The following MEIS2 variants were observed in gnomAD, a reference collection of about 807,000 sequenced individuals.
The protein encoded by MEIS2 is homeobox protein Meis2.
A neutral mutation model predicts 58.6 loss-of-function variants in MEIS2; 9 were observed. That is an observed-to-expected ratio of 0.15 (90% CI 0.09 to 0.27). MEIS2 has a LOEUF of 0.27. MEIS2 is among the 10% of genes least tolerant of loss of function. The probability of loss-of-function intolerance (pLI) is 1.00; values close to 1 mark genes in which losing one functional copy is unlikely to be tolerated. For missense variants in MEIS2, 427 were observed against 635.0 expected, an observed-to-expected ratio of 0.67 and a Z score of 3.52; for synonymous variants, 221 against 228.4, an observed-to-expected ratio of 0.97 and a Z score of 0.29.
rs187991024 is a variant in MEIS2 at position 36,978,703 on chromosome 15, C to A, written c.901-28303G>T. ...TACTTATTTGAATTTGTATCTTTTA[C>A]AAAAAAATCGGCTCATACTGCATAT... is the stretch of plus-strand genomic sequence containing the variant. On this transcript the variant is annotated intron_variant, in intron 8 of 11. Transcript: ENST00000561208. 3.1e-3 allele frequency among the ~76,000 whole-genome samples: 471 copies of A among 152,178 alleles called. 1 individual carries two copies. Among genetic ancestry groups the A allele is most frequent in the African/African-American group, 0.011 (453 of 41,546 alleles).
intron 9 of MEIS2, among the ~76,000 whole-genome samples, chr15:36,911,659 G>A (rs1031321317): frequency 6.6e-6 from 1 of 152,070 alleles, no homozygotes; most frequent in Non-Finnish European, 1.5e-5. Context: ...TCTGAACCTC[G>A]CTGTCCCGAG....
At chr15:37,050,101 A>T (rs1483505342) in intron 7 of MEIS2, among the ~76,000 whole-genome samples, 1 of 152,158 alleles carries the variant, frequency 6.6e-6, no homozygotes, top group East Asian at 1.9e-4. Context: ...CTCCACTCTC[A>T]ATTCTATTGC....
At chr15:37,097,060 C>G (rs1894350306) in intron 2 of MEIS2, among the ~76,000 whole-genome samples, 1 of 152,218 alleles carries the variant, frequency 6.6e-6, no homozygotes, top group Non-Finnish European at 1.5e-5. Flanking sequence ...TGGAGAGCTT[C>G]CTTCCAAAGA....
Position 36,931,986 on chromosome 15 carries a change from A to C in MEIS2, c.977+18338T>G, listed in dbSNP as rs554069550. On this transcript the variant is annotated intron_variant, in intron 9 of 11. Transcript: ENST00000561208. ...ACAAATCACTGAAAGGCAGTGCACA[A>C]AATCCCTATTAGCATGAAGCTCACC... Among the ~76,000 whole-genome samples the C allele has an allele frequency of 3.9e-5, 6 of 152,348 alleles. No homozygotes were observed. The East Asian group carries it at 1.2e-3, about 29-fold the overall frequency.
At chr15:36,905,565 C>T (rs758982073) in intron 9 of MEIS2, among the ~76,000 whole-genome samples, 8 of 151,894 alleles carry the variant, frequency 5.3e-5, no homozygotes, top group Non-Finnish European at 8.8e-5. Flanking sequence ...GGGAAGAGGG[C>T]GGAAGGTAAA....
chr15:37,055,852 G>A (rs1026868009), intron 7 of MEIS2, among the ~76,000 whole-genome samples: 6 of 152,116 alleles, frequency 3.9e-5, no homozygotes, highest in African/African-American at 1.4e-4. Flanking sequence ...TAGGTGCTGC[G>A]GAAGTCTTAA....
intron 1 of MEIS2, chr15:37,099,204 C>G (rs920599108): frequency 7.1e-7 from 1 of 1,415,190 alleles, no homozygotes; most frequent in African/African-American, 1.4e-5. Context: ...ACGCACTCGC[C>G]GCCCGCCCGC....
At chr15:37,068,687 T>C (rs144377614) in intron 7 of MEIS2, among the ~76,000 whole-genome samples, 1 of 152,322 alleles carries the variant, frequency 6.6e-6, no homozygotes, top group East Asian at 1.9e-4. Context: ...CCATAAAAAC[T>C]AAGCAAATGT....
At chr15:36,916,704 A>G (rs886240332) in intron 9 of MEIS2, among the ~76,000 whole-genome samples, 1 of 152,146 alleles carries the variant, frequency 6.6e-6, no homozygotes, top group Non-Finnish European at 1.5e-5. Context: ...AACTGTTGAG[A>G]TTATAGGTGT....
chr15:36,998,658 T>A (rs2060615056), intron 8 of MEIS2, among the ~76,000 whole-genome samples: 1 of 152,218 alleles, frequency 6.6e-6, no homozygotes, highest in African/African-American at 2.4e-5. Flanking sequence ...TTCTTTACAG[T>A]TTCATCTGGT....
intron 9 of MEIS2, 119 bp from the exon 10 acceptor site, chr15:36,896,805 A>T (rs2141225523): frequency 2.4e-6 from 2 of 844,766 alleles, no homozygotes; most frequent in East Asian, 5.0e-5. Context: ...TTATCTTTTC[A>T]ATTTAAAGGT....
rs1339077916 is a variant in MEIS2 at position 37,097,129 on chromosome 15, A to G, written c.246-699T>C. 3 of 152,208 alleles carry G rather than the reference A, an allele frequency of 2.0e-5. No individual in the cohort carries two copies. In the East Asian group the frequency reaches 5.8e-4, roughly 29 times the overall value. 9.4% of individuals were successfully genotyped at this position (152,208 alleles called of 1,614,324 possible). ...TAAATAAATCGTGTTTTAAAACTTTAAGTGTGCGTGCGCGTATGCCCTTTG... is the reference window on the plus strand; with the variant it reads ...TAAATAAATCGTGTTTTAAAACTTTGAGTGTGCGTGCGCGTATGCCCTTTG... On this transcript the variant is annotated intron_variant, in intron 2 of 11. Transcript: ENST00000561208.
At chr15:37,086,675 A>G (rs1204086159) in intron 6 of MEIS2, among the ~76,000 whole-genome samples, 1 of 152,204 alleles carries the variant, frequency 6.6e-6, no homozygotes, top group Non-Finnish European at 1.5e-5. Flanking sequence ...GAGACTGAAC[A>G]CCAACTAAGG....
At position 36,902,752 on chromosome 15, in the gene MEIS2, G is replaced by A. The variant is rs556008850; in HGVS notation, c.978-6066C>T. On this transcript the variant is annotated intron_variant, in intron 9 of 11. Coordinates refer to ENST00000561208, the MANE Select transcript of MEIS2 (RefSeq NM_170675.5). ...AAAATGCACATACTCTTCTCTTTAGGTATCTTAGATCTAAACAGCCTTTTA... is the reference window on the plus strand; with the variant it reads ...AAAATGCACATACTCTTCTCTTTAGATATCTTAGATCTAAACAGCCTTTTA... Among the ~76,000 whole-genome samples the A allele has an allele frequency of 8.5e-5, 13 of 152,166 alleles. No homozygotes were observed. The East Asian group carries it at 1.5e-3, about 18-fold the overall frequency.
intron 8 of MEIS2, among the ~76,000 whole-genome samples, chr15:36,993,911 T>A (rs974688713): frequency 1.3e-5 from 2 of 152,126 alleles, no homozygotes; most frequent in Admixed American, 1.3e-4. Context: ...ATGATAGTCT[T>A]GTTACCAGGA....
At chr15:36,923,947 T>C (rs750102599) in intron 9 of MEIS2, among the ~76,000 whole-genome samples, 4 of 152,306 alleles carry the variant, frequency 2.6e-5, no homozygotes, top group Non-Finnish European at 5.9e-5. Context: ...AACCTTTCTA[T>C]CCTCTTCAAT....
At chr15:36,961,332 A>G (rs1407956607) in intron 8 of MEIS2, among the ~76,000 whole-genome samples, 3 of 152,076 alleles carry the variant, frequency 2.0e-5, no homozygotes, top group Admixed American at 6.6e-5. Flanking sequence ...AATCTACACC[A>G]TAACCAACCC....
chr15:37,091,656 G>T (rs143426701), intron 6 of MEIS2, among the ~76,000 whole-genome samples: 3 of 152,222 alleles, frequency 2.0e-5, no homozygotes, highest in African/African-American at 7.2e-5. Flanking sequence ...TATTACAATA[G>T]TCTCATAAAT....
chr15:36,961,286 G>A lies in MEIS2; in HGVS notation c.901-10886C>T, dbSNP rs560351955. On this transcript the variant is annotated intron_variant, in intron 8 of 11. Coordinates refer to ENST00000561208, the MANE Select transcript of MEIS2 (RefSeq NM_170675.5). ...GTCTTTTCATCATACCTGTGAACAT[G>A]TATTTTTCTGGTAATTATAAGATCA... 4.6e-5 allele frequency among the ~76,000 whole-genome samples: 7 copies of A among 152,184 alleles called. No individual in the cohort carries two copies. The South Asian group carries it at 1.0e-3, about 23-fold the overall frequency.
Sources: gnomAD v4.1 joint callset for allele counts (sites outside exome capture counted in the v4.1 genomes callset) on GRCh38, gnomAD v4.1.1 for gene constraint, MANE v1.5 for transcripts, NCBI Gene and HGNC (gene_info 2026-07-23, HGNC 2026-07-21) for gene names.